FSTL5: variants seen among roughly 807,000 people sequenced by gnomAD.
The protein encoded by FSTL5 is follistatin-related protein 5.
In FSTL5, 62 loss-of-function variants were observed where a neutral mutation model predicts 89.1. The ratio of observed to expected loss-of-function variants is 0.70; its 90% CI spans 0.57 to 0.86. FSTL5 has a LOEUF of 0.86. FSTL5 is among the 40% of genes least tolerant of loss of function. The probability of loss-of-function intolerance (pLI) is 0.00; values close to 1 mark genes in which losing one functional copy is unlikely to be tolerated. For missense variants in FSTL5, 1,057 were observed against 1,001.6 expected (o/e 1.06, Z -0.75); for synonymous variants, 383 against 346.2 (o/e 1.11, Z -1.18).
At chr4:161,659,439 CTTTA>C (rs35128818) in intron 6 of FSTL5, among the ~76,000 whole-genome samples, 2,511 of 152,186 alleles carry the variant, frequency 0.016, 27 homozygotes, top group Middle Eastern at 0.037. Context: ...CCATGCCCAT[CTTTA>C]TTTGTCTTGT....
At chr4:162,058,423 C>CTTTTTTT (rs764578152) in intron 2 of FSTL5, among the ~76,000 whole-genome samples, 1 of 112,108 alleles carries the variant, frequency 8.9e-6, no homozygotes, top group Non-Finnish European at 1.7e-5. Context: ...ATAAATTCCT[C>CTTTTTTT]TTTTTTTTTT....
At chr4:161,398,810 C>T (rs1731085982) in intron 15 of FSTL5, among the ~76,000 whole-genome samples, 1 of 152,008 alleles carries the variant, frequency 6.6e-6, no homozygotes, top group South Asian at 2.1e-4. Context: ...GTGATACTAA[C>T]TCACTTCTGG....
chr4:161,958,018 A>AT (rs1276874580), intron 3 of FSTL5, among the ~76,000 whole-genome samples: 23 of 151,696 alleles, frequency 1.5e-4, no homozygotes, highest in Non-Finnish European at 2.9e-5. Context: ...CACTGATACT[A>AT]TTTTTTTCAC....
At chr4:161,464,651 TTAGAATAATAC>T (rs1560907805) in intron 13 of FSTL5, among the ~76,000 whole-genome samples, 1 of 152,196 alleles carries the variant, frequency 6.6e-6, no homozygotes, top group African/African-American at 2.4e-5. Flanking sequence ...AACCATGCAC[TTAGAATAATAC>T]TTAGTGAAAT....
rs367793447 is a variant in FSTL5 at position 161,412,924 on chromosome 4, G to C, written c.1842-26475C>G. On this transcript the variant is annotated intron_variant, in intron 15 of 15. Transcript: ENST00000306100. ...CTGTATGCAAAAATTAATTCAAAATGGATCAAAGATTTAAATGTAAGGCCT... is the reference window on the plus strand; with the variant it reads ...CTGTATGCAAAAATTAATTCAAAATCGATCAAAGATTTAAATGTAAGGCCT... Among the ~76,000 whole-genome samples the C allele has an allele frequency of 9.9e-5, 15 of 152,164 alleles. No individual in the cohort carries two copies. In the East Asian group the frequency reaches 2.5e-3, roughly 26 times the overall value.
intron 7 of FSTL5, among the ~76,000 whole-genome samples, chr4:161,596,851 T>C (rs1734028385): frequency 1.3e-5 from 2 of 152,146 alleles, no homozygotes; most frequent in South Asian, 4.1e-4. Context: ...AGAAGACATA[T>C]CCTTCGCCCA....
intron 12 of FSTL5, among the ~76,000 whole-genome samples, chr4:161,489,845 T>C (rs1269739317): frequency 6.6e-6 from 1 of 152,144 alleles, no homozygotes; most frequent in African/African-American, 2.4e-5. Flanking sequence ...TCATTAAACT[T>C]TGAAAAGAGG....
At chr4:161,566,811 G>T (rs550484654) in intron 8 of FSTL5, among the ~76,000 whole-genome samples, 3 of 152,012 alleles carry the variant, frequency 2.0e-5, no homozygotes, top group Non-Finnish European at 4.4e-5. Flanking sequence ...AGCGTTAAAA[G>T]GTATTAATCT....
intron 2 of FSTL5, among the ~76,000 whole-genome samples, chr4:162,034,753 A>G (rs917666188): frequency 2.0e-5 from 3 of 152,206 alleles, no homozygotes; most frequent in Admixed American, 2.0e-4. Context: ...TTGGCAAAAG[A>G]GTAGGAAAAT....
chr4:162,133,585 C>T (rs913499654), intron 1 of FSTL5, among the ~76,000 whole-genome samples: 1 of 152,114 alleles, frequency 6.6e-6, no homozygotes, highest in African/African-American at 2.4e-5. Flanking sequence ...AACATTCAGA[C>T]ACCTTAAAAT....
At chr4:162,125,267 A>C (rs1339652314) in intron 1 of FSTL5, among the ~76,000 whole-genome samples, 11 of 152,088 alleles carry the variant, frequency 7.2e-5, no homozygotes, top group Admixed American at 7.2e-4. Flanking sequence ...GACTTATTTA[A>C]TGGTTTATGA....
chr4:161,460,847 A>G (rs776249841), intron 13 of FSTL5, among the ~76,000 whole-genome samples: 7 of 151,882 alleles, frequency 4.6e-5, no homozygotes, highest in Non-Finnish European at 1.0e-4. Context: ...TCACTTGGCA[A>G]GCACCACAGA....
intron 1 of FSTL5, among the ~76,000 whole-genome samples, chr4:162,129,713 A>C (rs996993762): frequency 2.0e-5 from 3 of 152,254 alleles, no homozygotes; most frequent in Non-Finnish European, 4.4e-5. Context: ...AATTTGTCTT[A>C]CACAATAATT....
At chr4:162,102,083 T>G (rs1731017514) in intron 2 of FSTL5, among the ~76,000 whole-genome samples, 1 of 152,130 alleles carries the variant, frequency 6.6e-6, no homozygotes, top group Non-Finnish European at 1.5e-5. Context: ...AATGCAGATT[T>G]AGGTGTGTTG....
chr4:161,501,082 T>C (rs755078612), intron 11 of FSTL5, among the ~76,000 whole-genome samples: 1 of 152,182 alleles, frequency 6.6e-6, no homozygotes, highest in Non-Finnish European at 1.5e-5. Context: ...ATATCTTACA[T>C]AATTCAGTGA....
intron 7 of FSTL5, among the ~76,000 whole-genome samples, chr4:161,624,516 AG>A (rs1405136299): frequency 6.6e-6 from 1 of 151,770 alleles, no homozygotes; most frequent in African/African-American, 2.4e-5. Context: ...ATTTATTAAA[AG>A]TTCCTTTATA....
At chr4:162,102,047 T>A (rs188500060) in intron 2 of FSTL5, among the ~76,000 whole-genome samples, 101 of 152,282 alleles carry the variant, frequency 6.6e-4, no homozygotes, top group African/African-American at 2.3e-3. Context: ...ATTTTTTGAA[T>A]AGGTGGAAGC....
Position 161,472,013 on chromosome 4 carries a change from G to A in FSTL5, c.1608+9007C>T, listed in dbSNP as rs902600407. 2.2e-5 allele frequency among the ~76,000 whole-genome samples: 3 copies of A among 135,860 alleles called. No homozygotes were observed. The East Asian group carries it at 6.4e-4, about 29-fold the overall frequency. The allele number at this position is 135,860 out of a possible 152,430, so 89.1% of individuals were successfully genotyped here. On this transcript the variant is annotated intron_variant, in intron 13 of 15. Transcript: ENST00000306100. ...TTTTTTTGAGACAGAGTCTCGCTCT[G>A]TTGCCCAGGCTGGAGTGCAGTGGCA...
At chr4:161,475,633 A>T (rs773438538) in intron 13 of FSTL5, among the ~76,000 whole-genome samples, 43 of 151,976 alleles carry the variant, frequency 2.8e-4, no homozygotes, top group Middle Eastern at 3.4e-3. Flanking sequence ...TTGTTTTTAC[A>T]TTATTTCCTC....
Sources: gnomAD v4.1 joint callset for allele counts (sites outside exome capture counted in the v4.1 genomes callset) on GRCh38, gnomAD v4.1.1 for gene constraint, MANE v1.5 for transcripts, NCBI Gene and HGNC (gene_info 2026-07-23, HGNC 2026-07-21) for gene names.